The following NTRK3 variants were observed in gnomAD, a reference collection of about 807,000 sequenced individuals.
NTRK3 encodes the protein neurotrophic receptor tyrosine kinase 3.
Under a neutral mutation model 91.7 loss-of-function variants are expected in NTRK3, and 24 were observed. The observed-to-expected ratio is 0.26, with a 90% confidence interval of 0.19 to 0.37. The LOEUF is 0.37. Among genes scored for constraint, NTRK3 ranks in the 10% least tolerant of loss-of-function variants. The pLI is 1.00. For missense variants in NTRK3, 880 were observed against 1,068.9 expected (o/e 0.82, Z 2.46); for synonymous variants, 483 against 404.0 (o/e 1.20, Z -2.34).
At chr15:88,129,609 G>A (rs1204320571) in intron 10 of NTRK3, among the ~76,000 whole-genome samples, 1 of 152,154 alleles carries the variant, frequency 6.6e-6, no homozygotes, top group East Asian at 1.9e-4. Context: ...TTGGAGAAAT[G>A]GATGATTTCA....
chr15:88,139,155 A>G (rs1270485261), intron 6 of NTRK3, among the ~76,000 whole-genome samples: 1 of 152,212 alleles, frequency 6.6e-6, no homozygotes, highest in Non-Finnish European at 1.5e-5. Context: ...TTGATAGGGG[A>G]AGAGTCACCT....
chr15:88,201,056 T>G (rs890148858), intron 3 of NTRK3, among the ~76,000 whole-genome samples: 2 of 152,202 alleles, frequency 1.3e-5, no homozygotes, highest in African/African-American at 4.8e-5. Context: ...ACCATGTAGA[T>G]CCCTGTCTAC....
intron 17 of NTRK3, among the ~76,000 whole-genome samples, chr15:87,893,028 AC>A (rs568078003): frequency 2.0e-5 from 3 of 152,236 alleles, no homozygotes; most frequent in Non-Finnish European, 4.4e-5. Context: ...ATTCAAAATT[AC>A]TTTGAAGATT....
Position 88,235,973 on chromosome 15 carries a change from C to A in NTRK3, c.248+19933G>T, listed in dbSNP as rs1482865238. Among the ~76,000 whole-genome samples the A allele has an allele frequency of 2.0e-5, 3 of 152,184 alleles. No individual in the cohort carries two copies. Among genetic ancestry groups the A allele is most frequent in the African/African-American group, 7.2e-5 (3 of 41,444 alleles). ...GTCACATAAATGTGTCTCTCCTAAC[C>A]CAGATTAATCAAAAACAGTCCTAGA... On this transcript the variant is annotated intron_variant, in intron 3 of 18. Coordinates refer to ENST00000394480, the Ensembl canonical transcript of NTRK3. This position sits in a 1 kb window ranked among gnomAD's most constrained non-coding sequence, Gnocchi z 5.2.
intron 17 of NTRK3, among the ~76,000 whole-genome samples, chr15:87,926,125 C>G (rs2068287757): frequency 6.6e-6 from 1 of 152,180 alleles, no homozygotes; most frequent in African/African-American, 2.4e-5. Context: ...AGGATGTGAA[C>G]ACAGGTAAGA....
exon 12 of NTRK3, chr15:88,127,172 T>G: frequency 6.2e-7 from 1 of 1,613,870 alleles, no homozygotes; most frequent in Non-Finnish European, 8.5e-7. Flanking sequence ...CCCAAAAGTG[T>G]CTTCTTCTGG....
chr15:88,037,847 A>C (rs1199754256), intron 13 of NTRK3, among the ~76,000 whole-genome samples: 1 of 152,210 alleles, frequency 6.6e-6, no homozygotes, highest in Non-Finnish European at 1.5e-5. Context: ...TGCCTCTGTG[A>C]CATTGGTACC....
At position 88,240,195 on chromosome 15, in the gene NTRK3, G is replaced by A. The variant is rs372564437; in HGVS notation, c.248+15711C>T. Among the ~76,000 whole-genome samples the A allele has an allele frequency of 2.0e-3, 274 of 139,060 alleles. 1 individual carries two copies. The highest frequency in any genetic ancestry group is 6.9e-3 in the African/African-American group (250 of 36,240). 91.2% of individuals were successfully genotyped at this position (139,060 alleles called of 152,430 possible). Reference sequence around the variant, plus strand: ...TATGGCTCCCCTACTTTCCCATCCCGTCCCCAGCCACCGCCATAGAAACAT... The same window carrying A: ...TATGGCTCCCCTACTTTCCCATCCCATCCCCAGCCACCGCCATAGAAACAT... On this transcript the variant is annotated intron_variant, in intron 3 of 18. Coordinates refer to ENST00000394480, the Ensembl canonical transcript of NTRK3. The surrounding 1 kb of genome is among the most constrained non-coding windows in gnomAD (Gnocchi z 4.9).
chr15:87,918,549 C>A (rs75135531), intron 17 of NTRK3, among the ~76,000 whole-genome samples: 1 of 152,196 alleles, frequency 6.6e-6, no homozygotes, highest in South Asian at 2.1e-4. Context: ...TGCCAACCAA[C>A]CCCTCAAGAC....
intron 14 of NTRK3, among the ~76,000 whole-genome samples, chr15:87,994,100 G>A (rs1047969585): frequency 2.0e-5 from 3 of 152,146 alleles, no homozygotes; most frequent in Non-Finnish European, 4.4e-5. Context: ...TAGTGAGGGA[G>A]TGGTCATAAG....
At chr15:88,001,646 C>T (rs577877723) in intron 14 of NTRK3, among the ~76,000 whole-genome samples, 7 of 152,144 alleles carry the variant, frequency 4.6e-5, no homozygotes, top group East Asian at 1.9e-4. Context: ...ATCAGTTGAC[C>T]GCAAAAGTAC....
intron 17 of NTRK3, among the ~76,000 whole-genome samples, chr15:87,912,687 T>C (rs1259236943): frequency 6.6e-6 from 1 of 151,944 alleles, no homozygotes; most frequent in African/African-American, 2.4e-5. Flanking sequence ...GTTTGAAAGA[T>C]GACCTCCAAC....
At chr15:87,981,106 T>C (rs1289375091) in intron 14 of NTRK3, 1 of 1,464,990 alleles carries the variant, frequency 6.8e-7, no homozygotes, top group Admixed American at 2.0e-5. Flanking sequence ...GCTGGGCACC[T>C]AGTCGTACCT....
chr15:88,050,876 A>G (rs2080760005), intron 13 of NTRK3, among the ~76,000 whole-genome samples: 1 of 152,126 alleles, frequency 6.6e-6, no homozygotes, highest in Admixed American at 6.5e-5. Flanking sequence ...CAAGGCCTGT[A>G]CTCATCCTAC....
At chr15:88,152,390 G>A (rs1198324157) in intron 5 of NTRK3, among the ~76,000 whole-genome samples, 1 of 152,154 alleles carries the variant, frequency 6.6e-6, no homozygotes, top group African/African-American at 2.4e-5. Context: ...CCTAATTAAA[G>A]TTAAGTAAGG....
intron 6 of NTRK3, among the ~76,000 whole-genome samples, chr15:88,139,656 C>A (rs537034981): frequency 3.3e-5 from 5 of 152,068 alleles, no homozygotes; most frequent in Non-Finnish European, 5.9e-5. Flanking sequence ...TTGCTTCTTA[C>A]GACAACCCTG....
intron 11 of NTRK3, 76 bp from the exon 12 acceptor site, chr15:88,127,302 C>G: frequency 8.3e-7 from 1 of 1,204,750 alleles, no homozygotes; most frequent in Non-Finnish European, 1.2e-6. Flanking sequence ...CCCTGCCCAA[C>G]TCCCAAGCTC....
chr15:88,151,967 T>C (rs979602759), intron 5 of NTRK3, among the ~76,000 whole-genome samples: 7 of 152,214 alleles, frequency 4.6e-5, no homozygotes, highest in Non-Finnish European at 1.0e-4. Flanking sequence ...TGTTTTCTGT[T>C]GTAATGTACT....
chr15:88,088,777 TG>T (rs1277933881), intron 13 of NTRK3, among the ~76,000 whole-genome samples: 2 of 152,144 alleles, frequency 1.3e-5, no homozygotes, highest in African/African-American at 4.8e-5. Flanking sequence ...GTTCCTATCT[TG>T]GAAGGCCCTA....
Sources: gnomAD v4.1 joint callset for allele counts (sites outside exome capture counted in the v4.1 genomes callset) on GRCh38, gnomAD v4.1.1 for gene constraint, Gnocchi (gnomAD v3.1) non-coding constraint, MANE v1.5 for transcripts, NCBI Gene and HGNC (gene_info 2026-07-23, HGNC 2026-07-21) for gene names.